Variants in ADIPOQ observed in about 807,000 individuals in gnomAD.
The protein encoded by ADIPOQ is adiponectin, C1Q and collagen domain containing.
In ADIPOQ, 19 loss-of-function variants were observed where a neutral mutation model predicts 16.1. The ratio of observed to expected loss-of-function variants is 1.18; its 90% CI spans 0.82 to 1.73. The LOEUF is 1.73. ADIPOQ is among the 40% of genes most tolerant of loss of function. The pLI is 0.00. For missense variants in ADIPOQ, 323 were observed against 308.3 expected (o/e 1.05, Z -0.36); for synonymous variants, 124 against 125.5 (o/e 0.99, Z 0.08).
At chr3:186,851,528 TTTGACTACCTGTGCCAC>T (rs1456588391) in intron 1 of ADIPOQ, among the ~76,000 whole-genome samples, 3 of 152,034 alleles carry the variant, frequency 2.0e-5, no homozygotes, top group African/African-American at 7.2e-5. Flanking sequence ...CAGGGAGGCT[TTTGACTACCTGTGCCAC>T]TTGAGCTCTT....
intron 1 of ADIPOQ, among the ~76,000 whole-genome samples, chr3:186,846,803 A>C (rs1208787503): frequency 6.6e-6 from 1 of 152,182 alleles, no homozygotes; most frequent in Non-Finnish European, 1.5e-5. Flanking sequence ...AAGCAGATGA[A>C]TCCATGCCTG....
In ADIPOQ at chr3:186,853,388, T is replaced by G; in HGVS notation, c.214+116T>G. On this transcript the variant is annotated intron_variant, in intron 2 of 2. Transcript: ENST00000320741. ...AGGGAGAAAGCAAAGCTTTTTTATG[T>G]TAACCATAAGCAACCTGAAGTGATT... is the stretch of plus-strand genomic sequence containing the variant. 7 of 1,351,124 alleles carry G rather than the reference T, an allele frequency of 5.2e-6. No individual in the cohort carries two copies. In the South Asian group the frequency reaches 8.9e-5, roughly 17 times the overall value. 83.7% of individuals were successfully genotyped at this position (1,351,124 alleles called of 1,614,324 possible).
rs925265765 is a variant in ADIPOQ at position 186,847,947 on chromosome 3, G to A, written c.-8-5104G>A. Among the ~76,000 whole-genome samples, 5 of 152,004 alleles carry A rather than the reference G, an allele frequency of 3.3e-5. No homozygotes were observed. In the East Asian group the frequency reaches 5.8e-4, roughly 18 times the overall value. ...AGCACTTTGGGAGGCCGAGGCGGGC[G>A]GATCACTTGAGGTCAGGAGTTTGAG... On this transcript the variant is annotated intron_variant, in intron 1 of 2. Transcript: ENST00000320741.
Position 186,854,443 on chromosome 3 carries a change from C to G in ADIPOQ, c.474C>G (p.Tyr158Ter), listed in dbSNP as rs756411007. 2.5e-6 allele frequency: 4 copies of G among 1,614,214 alleles called. No homozygotes were observed. In the Admixed American group the frequency reaches 6.7e-5, roughly 27 times the overall value. ...TCCACTGCAACATTCCTGGGCTGTACTACTTTGCCTACCACATCACAGTCT... is the reference window on the plus strand; with the variant it reads ...TCCACTGCAACATTCCTGGGCTGTAGTACTTTGCCTACCACATCACAGTCT... ...GKFHCNIPGLYYFAYHITVYM... is the reference protein window; with the variant it reads ...GKFHCNIPGL The change falls in exon 3 of 3, where the codon TAC becomes TAG. Residue 158 changes from tyrosine (Y) to a stop codon, truncating the protein, a stop_gained. Transcript: ENST00000320741. LOFTEE classifies it high-confidence loss of function.
intron 1 of ADIPOQ, among the ~76,000 whole-genome samples, chr3:186,845,831 A>T (rs1331828177): frequency 6.6e-6 from 1 of 152,212 alleles, no homozygotes; most frequent in African/African-American, 2.4e-5. Flanking sequence ...TGCCTTATGA[A>T]AATTACACTC....
chr3:186,857,515 G>A lies in ADIPOQ; in HGVS notation c.*2811G>A, dbSNP rs1712051420. The stretch of plus-strand genomic sequence containing the variant: ...ATGCTCACAGTCTCACATCTGGTTG[G>A]GGTGGGCTCCTTACAGAACACGCTT... On this transcript the variant is annotated 3_prime_UTR_variant, in exon 3 of 3. Transcript: ENST00000320741. 1 of 152,120 alleles carries A rather than the reference G, an allele frequency of 6.6e-6. No homozygotes were observed. The highest frequency in any genetic ancestry group is 2.1e-4 in the South Asian group (1 of 4,826). The allele number at this position is 152,120 out of a possible 1,614,324, so 9.4% of individuals were successfully genotyped here. A position where few individuals can be genotyped will look rare whatever the true frequency, so the allele number is the denominator to read the frequency against.
At chr3:186,847,913 T>C (rs373390089) in intron 1 of ADIPOQ, among the ~76,000 whole-genome samples, 27 of 152,198 alleles carry the variant, frequency 1.8e-4, no homozygotes, top group African/African-American at 6.3e-4. Context: ...GGCTCATGCC[T>C]GTAATCCCAG....
intron 1 of ADIPOQ, among the ~76,000 whole-genome samples, chr3:186,851,143 T>A (rs944471719): frequency 2.6e-5 from 4 of 152,116 alleles, no homozygotes; most frequent in Admixed American, 6.5e-5. Context: ...TCAGTTGTCC[T>A]GAAGACAAAC....
intron 1 of ADIPOQ, among the ~76,000 whole-genome samples, chr3:186,848,123 A>G (rs1324369332): frequency 6.6e-6 from 1 of 151,070 alleles, no homozygotes; most frequent in Non-Finnish European, 1.5e-5. Context: ...CAGTGAGCCA[A>G]GATGGTGCCA....
intron 1 of ADIPOQ, chr3:186,852,638 C>A: frequency 1.0e-5 from 2 of 196,446 alleles, no homozygotes; most frequent in Non-Finnish European, 2.1e-5. Flanking sequence ...AAGAAAGGAG[C>A]CAGAGGAGAG....
intron 1 of ADIPOQ, among the ~76,000 whole-genome samples, chr3:186,850,173 G>A (rs1270208205): frequency 6.6e-6 from 1 of 151,748 alleles, no homozygotes; most frequent in Admixed American, 6.6e-5. Context: ...GGGAGGCTAA[G>A]GCATGAGAAT....
chr3:186,850,746 C>T (rs1711723789), intron 1 of ADIPOQ, among the ~76,000 whole-genome samples: 1 of 151,896 alleles, frequency 6.6e-6, no homozygotes, highest in African/African-American at 2.4e-5. Flanking sequence ...ATTATAAAAA[C>T]TAGAAAATGC....
In ADIPOQ at chr3:186,850,306, T is replaced by C. The variant is rs546244020; in HGVS notation, c.-8-2745T>C. Among the ~76,000 whole-genome samples, 42 of 146,586 alleles carry C rather than the reference T, an allele frequency of 2.9e-4. No homozygotes were observed. In the East Asian group the frequency reaches 8.0e-3, roughly 28 times the overall value. On this transcript the variant is annotated intron_variant, in intron 1 of 2. Coordinates refer to ENST00000320741, the MANE Select transcript of ADIPOQ (RefSeq NM_004797.4). ...AAAAAAAAAAAGCAAACTAGAGCAG[T>C]GAGGTACCATTATTTCCTTTGCTCA...
intron 2 of ADIPOQ, 134 bp from the exon 3 acceptor site, chr3:186,854,050 G>A: frequency 1.1e-6 from 1 of 899,870 alleles, no homozygotes; most frequent in Non-Finnish European, 1.7e-6. Context: ...CTCCTTTTGG[G>A]AGCTCTTATT....
At chr3:186,853,418 G>C (rs944370655) in intron 2 of ADIPOQ, 146 bp downstream of exon 2, 3 of 1,082,586 alleles carry the variant, frequency 2.8e-6, no homozygotes, top group Non-Finnish European at 4.1e-6. Context: ...GTGATTTGGG[G>C]TTGGTCTTCC....
At chr3:186,850,401 T>G (rs1711713087) in intron 1 of ADIPOQ, among the ~76,000 whole-genome samples, 1 of 152,106 alleles carries the variant, frequency 6.6e-6, no homozygotes, top group Non-Finnish European at 1.5e-5. Context: ...GTATGCCCTT[T>G]TATACACACA....
Position 186,855,100 on chromosome 3 carries a change from T to A in ADIPOQ, c.*396T>A, listed in dbSNP as rs201023062. Reference sequence around the variant, plus strand: ...CAGTATTAAGTGACAGTGCTAGAAATCAAACCCAGAGCTGTGGACTTTGTT... The same window carrying A: ...CAGTATTAAGTGACAGTGCTAGAAAACAAACCCAGAGCTGTGGACTTTGTT... On this transcript the variant is annotated 3_prime_UTR_variant, in exon 3 of 3. Transcript: ENST00000320741. 1 of 292,366 alleles carries A rather than the reference T, an allele frequency of 3.4e-6. No individual in the cohort carries two copies. Among genetic ancestry groups the A allele is most frequent in the Non-Finnish European group, 6.6e-6 (1 of 151,938 alleles). 18.1% of individuals were successfully genotyped at this position (292,366 alleles called of 1,614,324 possible). A position where few individuals can be genotyped will look rare whatever the true frequency, so the allele number is the denominator to read the frequency against.
chr3:186,850,426 C>T (rs1711713975), intron 1 of ADIPOQ, among the ~76,000 whole-genome samples: 1 of 152,038 alleles, frequency 6.6e-6, no homozygotes, highest in Admixed American at 6.6e-5. Context: ...TGATGTACTA[C>T]TGGTTGGCAG....
chr3:186,854,997 C>A lies in ADIPOQ; in HGVS notation c.*293C>A. On this transcript the variant is annotated 3_prime_UTR_variant, in exon 3 of 3. Transcript: ENST00000320741. The stretch of plus-strand genomic sequence containing the variant: ...TGATGCTCATATCAATCCTATAAGG[C>A]ACAGGGAACAAGCATTCTCCTGTTT... 1 of 445,316 alleles carries A rather than the reference C, an allele frequency of 2.2e-6. No homozygotes were observed. Among genetic ancestry groups the A allele is most frequent in the Admixed American group, 3.5e-5 (1 of 28,450 alleles). The allele number at this position is 445,316 out of a possible 1,614,324, so 27.6% of individuals were successfully genotyped here.
Sources: allele counts gnomAD v4.1 joint callset (sites outside exome capture counted in the v4.1 genomes callset), GRCh38; gene constraint gnomAD v4.1.1; transcripts MANE v1.5; gene names NCBI Gene and HGNC (gene_info 2026-07-23, HGNC 2026-07-21).